TPRG1: variants seen among roughly 807,000 people sequenced by gnomAD.
The protein encoded by TPRG1 is tumor protein p63 regulated 1.
A neutral mutation model predicts 29.3 loss-of-function variants in TPRG1; 29 were observed. The ratio of observed to expected loss-of-function variants is 0.99; its 90% CI spans 0.74 to 1.35. TPRG1 has a LOEUF of 1.35. TPRG1 is among the 40% of genes most tolerant of loss of function. The pLI is 0.00. For missense variants in TPRG1, 327 were observed against 335.0 expected (o/e 0.98, Z 0.19); for synonymous variants, 130 against 116.8 (o/e 1.11, Z -0.73).
At chr3:189,165,439 T>TTTTTTTTTTTTTTTTTTTA (rs1326778682) in intron 5 of TPRG1, among the ~76,000 whole-genome samples, 1 of 149,654 alleles carries the variant, frequency 6.7e-6, no homozygotes, top group Non-Finnish European at 1.5e-5. Context: ...CAAACTTTTA[T>TTTTTTTTTTTTTTTTTTTA]GTGCATAACA....
At chr3:189,251,545 T>C (rs1194706573) in intron 4 of TPRG1, among the ~76,000 whole-genome samples, 1 of 152,124 alleles carries the variant, frequency 6.6e-6, no homozygotes, top group Non-Finnish European at 1.5e-5. Flanking sequence ...TTAGTATTTA[T>C]TGATCATTTT....
At chr3:189,195,314 T>C (rs1019726200) in intron 1 of TPRG1, among the ~76,000 whole-genome samples, 1 of 152,160 alleles carries the variant, frequency 6.6e-6, no homozygotes, top group Non-Finnish European at 1.5e-5. Context: ...GCTAAAGTAC[T>C]ATTTCCCAAG....
At chr3:189,196,657 A>G (rs953647476) in intron 1 of TPRG1, among the ~76,000 whole-genome samples, 1 of 152,128 alleles carries the variant, frequency 6.6e-6, no homozygotes, top group Non-Finnish European at 1.5e-5. Flanking sequence ...CTCCCATGAC[A>G]CTGTGGGAAT....
At chr3:189,138,097 A>C (rs1224431407) in intron 3 of TPRG1, among the ~76,000 whole-genome samples, 1 of 152,204 alleles carries the variant, frequency 6.6e-6, no homozygotes, top group African/African-American at 2.4e-5. Context: ...ATGGGCATGT[A>C]CAAGTTTTGT....
At chr3:189,053,289 A>T (rs926441300) in intron 4 of TPRG1, among the ~76,000 whole-genome samples, 1 of 152,188 alleles carries the variant, frequency 6.6e-6, no homozygotes, top group Non-Finnish European at 1.5e-5. Context: ...TAGCCTTCAT[A>T]GAATTGAAGA....
rs1560689700 is a variant in TPRG1 at position 189,312,185 on chromosome 3, T to TTTCTTTC, written c.633+1648_633+1649insCTTTCTT. Among the ~76,000 whole-genome samples the TTTCTTTC allele has an allele frequency of 5.5e-4, 26 of 47,378 alleles. 4 individuals carry two copies. Among genetic ancestry groups the TTTCTTTC allele is most frequent in the Non-Finnish European group, 8.5e-4 (21 of 24,700 alleles). 31.1% of individuals were successfully genotyped at this position (47,378 alleles called of 152,430 possible). ...TCTTTCTTTCTTTCTTTCTTTCTTT[T>TTTCTTTC]TTTCTTTCTTTCTTTCTTTCTTTCT... On this transcript the variant is annotated intron_variant, in intron 5 of 5. Transcript: ENST00000345063.
chr3:189,257,656 T>G (rs1025503080), intron 4 of TPRG1, among the ~76,000 whole-genome samples: 5 of 152,214 alleles, frequency 3.3e-5, no homozygotes, highest in Admixed American at 6.5e-5. Context: ...CAAATGTAGA[T>G]TTGGTCTTTT....
chr3:189,217,873 C>G (rs1216460108), intron 3 of TPRG1: 2 of 985,200 alleles, frequency 2.0e-6, no homozygotes, highest in African/African-American at 1.7e-5. Context: ...TTTGAAAATT[C>G]TAGCACACCA....
chr3:189,182,290 C>T (rs772193331), intron 1 of TPRG1, among the ~76,000 whole-genome samples: 4 of 152,146 alleles, frequency 2.6e-5, no homozygotes, highest in Non-Finnish European at 5.9e-5. Flanking sequence ...ATAGTATCTG[C>T]AATGAAGAAC....
chr3:189,224,356 T>G (rs1004671300), intron 3 of TPRG1, among the ~76,000 whole-genome samples: 1 of 152,168 alleles, frequency 6.6e-6, no homozygotes, highest in African/African-American at 2.4e-5. Flanking sequence ...TGACGTGGCC[T>G]GTAGTCCCAG....
At position 189,320,609 on chromosome 3, in the gene TPRG1, C is replaced by A; in HGVS notation, c.634-17C>A. On this transcript the variant is annotated splice_polypyrimidine_tract_variant and intron_variant, in intron 5 of 5. Transcript: ENST00000345063. Reference sequence around the variant, plus strand: ...TCTACAGTAACTAACTTTGTGCCTTCTTTTTTTCTTCTTCAGTTGTCTGGG... The same window carrying A: ...TCTACAGTAACTAACTTTGTGCCTTATTTTTTTCTTCTTCAGTTGTCTGGG... 1 of 1,584,388 alleles carries A rather than the reference C, an allele frequency of 6.3e-7. No homozygotes were observed. Among genetic ancestry groups the A allele is most frequent in the South Asian group, 1.2e-5 (1 of 85,052 alleles).
chr3:189,250,505 C>CCCCCA lies in TPRG1; in HGVS notation c.479+11600_479+11601insACCCC, dbSNP rs1553931523. On this transcript the variant is annotated intron_variant, in intron 4 of 5. Coordinates refer to ENST00000345063, the MANE Select transcript of TPRG1 (RefSeq NM_198485.4). Reference sequence around the variant, plus strand: ...AGGTGTTAACAAGTTCTGATTTCCGCCCCCCCCCCCCCACCCAGATTAAAG... The same window carrying CCCCCA: ...AGGTGTTAACAAGTTCTGATTTCCGCCCCCACCCCCCCCCCCCACCCAGATTAAAG... 4.5e-4 allele frequency among the ~76,000 whole-genome samples: 8 copies of CCCCCA among 17,748 alleles called. 1 individual carries two copies. Among genetic ancestry groups the CCCCCA allele is most frequent in the African/African-American group, 1.5e-3 (8 of 5,396 alleles). The allele number at this position is 17,748 out of a possible 152,430, so 11.6% of individuals were successfully genotyped here.
At chr3:189,085,473 G>GTA (rs1560435134) in intron 4 of TPRG1, among the ~76,000 whole-genome samples, 1 of 151,492 alleles carries the variant, frequency 6.6e-6, no homozygotes, top group African/African-American at 2.4e-5. Context: ...GTGTGTGTGT[G>GTA]TATTATGGAG....
chr3:189,003,826 T>C (rs1195902813), intron 2 of TPRG1, among the ~76,000 whole-genome samples: 1 of 152,162 alleles, frequency 6.6e-6, no homozygotes, highest in Non-Finnish European at 1.5e-5. Context: ...ATTCTGTTCT[T>C]CTTCAAAGTT....
intron 4 of TPRG1, among the ~76,000 whole-genome samples, chr3:189,029,687 G>A (rs917148080): frequency 6.6e-5 from 10 of 152,196 alleles, no homozygotes; most frequent in Admixed American, 2.0e-4. Context: ...AATCTCCAAT[G>A]TTGGAGGTGG....
Position 189,236,080 on chromosome 3 carries a change from T to G in TPRG1, c.303-2653T>G, listed in dbSNP as rs548429042. Among the ~76,000 whole-genome samples the G allele has an allele frequency of 4.6e-5, 7 of 152,344 alleles. No individual in the cohort carries two copies. In the South Asian group the frequency reaches 1.4e-3, roughly 32 times the overall value. On this transcript the variant is annotated intron_variant, in intron 3 of 5. Transcript: ENST00000345063. ...TTCTTAGGGGAGAAAGTGTGAATGA[T>G]GTCTAAATAAATCAATACACAACCC... is the stretch of plus-strand genomic sequence containing the variant.
At chr3:189,107,405 A>G (rs1719953417) in intron 1 of TPRG1, among the ~76,000 whole-genome samples, 1 of 152,222 alleles carries the variant, frequency 6.6e-6, no homozygotes, top group Non-Finnish European at 1.5e-5. Flanking sequence ...GGCTTAAAAA[A>G]GTAAAAATTC....
At chr3:189,254,754 TTCCTAGGTATTTTATTCTCTTTTG>T (rs1283330630) in intron 4 of TPRG1, among the ~76,000 whole-genome samples, 2 of 152,226 alleles carry the variant, frequency 1.3e-5, no homozygotes, top group East Asian at 3.8e-4. Flanking sequence ...GTAAGTTGTA[TTCCTAGGTATTTTATTCTCTTTTG>T]TAGCAATTGT....
intron 4 of TPRG1, among the ~76,000 whole-genome samples, chr3:189,079,410 T>G (rs1408456616): frequency 1.3e-5 from 2 of 152,196 alleles, no homozygotes; most frequent in African/African-American, 4.8e-5. Context: ...TATCACCCTC[T>G]AAATTGGAAG....
Sources: allele counts gnomAD v4.1 joint callset (sites outside exome capture counted in the v4.1 genomes callset), GRCh38; gene constraint gnomAD v4.1.1; transcripts MANE v1.5; gene names NCBI Gene and HGNC (gene_info 2026-07-23, HGNC 2026-07-21).